MAP2: variants seen among roughly 807,000 people sequenced by gnomAD.
MAP2 encodes microtubule associated protein 2.
A neutral mutation model predicts 137.6 loss-of-function variants in MAP2; 14 were observed. The observed-to-expected ratio is 0.10, with a 90% CI of 0.07 to 0.16. The LOEUF (loss-of-function observed/expected upper bound fraction) is 0.16, where lower values mean the gene tolerates loss of function less well. MAP2 is among the 10% of genes least tolerant of loss of function. MAP2 has a pLI of 1.00. For synonymous variants in MAP2, 786 were observed against 782.3 expected, an observed-to-expected ratio of 1.00 and a Z score of -0.08; for missense variants, 2,088 against 2,191.5, an observed-to-expected ratio of 0.95 and a Z score of 0.94.
chr2:209,438,348 G>A (rs1390397639), intron 1 of MAP2, among the ~76,000 whole-genome samples: 2 of 151,530 alleles, frequency 1.3e-5, no homozygotes, highest in African/African-American at 4.8e-5. Flanking sequence ...TAGGGTTCCT[G>A]TATTATGCAG....
At chr2:209,442,050 T>C (rs771276667) in intron 1 of MAP2, among the ~76,000 whole-genome samples, 10 of 151,602 alleles carry the variant, frequency 6.6e-5, no homozygotes, top group Non-Finnish European at 1.3e-4. Context: ...CCATAAAAGC[T>C]TTTAAATTTG....
At chr2:209,491,263 A>C (rs551654687) in intron 1 of MAP2, among the ~76,000 whole-genome samples, 33 of 152,330 alleles carry the variant, frequency 2.2e-4, no homozygotes, top group African/African-American at 7.7e-4. Context: ...ACAAAGACAC[A>C]ATGTACCAGA....
chr2:209,518,779 C>G (rs1218844246), intron 2 of MAP2, among the ~76,000 whole-genome samples: 1 of 151,756 alleles, frequency 6.6e-6, no homozygotes, highest in African/African-American at 2.4e-5. Context: ...CTGTTTTTGT[C>G]GTAGGTTTTA....
At chr2:209,575,500 A>G (rs755447864) in intron 2 of MAP2, among the ~76,000 whole-genome samples, 8 of 143,754 alleles carry the variant, frequency 5.6e-5, no homozygotes, top group East Asian at 2.0e-4. Flanking sequence ...CAGCCTGGGC[A>G]ACAGTGAGAC....
intron 7 of MAP2, 137 bp from the exon 8 acceptor site, chr2:209,692,488 A>G (rs79431896): frequency 0.011 from 9,741 of 868,562 alleles, 73 homozygotes; most frequent in Non-Finnish European, 0.014. Flanking sequence ...TGACTTTTAC[A>G]TGGGTAGCAT....
At chr2:209,556,394 G>A (rs904534971) in intron 2 of MAP2, among the ~76,000 whole-genome samples, 3 of 151,954 alleles carry the variant, frequency 2.0e-5, no homozygotes, top group South Asian at 2.1e-4. Flanking sequence ...TATTTGCTCC[G>A]TTGCCTTAGA....
chr2:209,491,558 C>G lies in MAP2; in HGVS notation c.-221-16034C>G, dbSNP rs558441620. Among the ~76,000 whole-genome samples the G allele has an allele frequency of 2.6e-5, 4 of 151,298 alleles. No homozygotes were observed. The South Asian group carries it at 8.3e-4, about 32-fold the overall frequency. On this transcript the variant is annotated intron_variant, in intron 1 of 15. Transcript: ENST00000682079. ...AAAATACATAGACCACTAGCCAGAC[C>G]AATAAAGAAGAGAGAAGAATCAAAT... is the stretch of plus-strand genomic sequence containing the variant.
At chr2:209,568,286 G>C (rs1283716803) in intron 2 of MAP2, among the ~76,000 whole-genome samples, 1 of 151,858 alleles carries the variant, frequency 6.6e-6, no homozygotes, top group East Asian at 1.9e-4. Context: ...ATGGATTTCA[G>C]TTATTCACAA....
intron 2 of MAP2, among the ~76,000 whole-genome samples, chr2:209,519,224 T>C (rs1056936608): frequency 1.3e-5 from 2 of 152,116 alleles, no homozygotes; most frequent in Non-Finnish European, 2.9e-5. Context: ...CACTTTTCTA[T>C]ATTGCCAAGT....
chr2:209,704,379 T>C, intron 11 of MAP2: 1 of 1,389,124 alleles, frequency 7.2e-7, no homozygotes, highest in South Asian at 1.4e-5. Flanking sequence ...TGTTTATACT[T>C]CTTTTTTATC....
chr2:209,642,567 T>A (rs1444412790), intron 4 of MAP2, among the ~76,000 whole-genome samples: 1 of 152,212 alleles, frequency 6.6e-6, no homozygotes, highest in East Asian at 1.9e-4. Flanking sequence ...TAATGTTATC[T>A]GTGCCTATGA....
intron 1 of MAP2, among the ~76,000 whole-genome samples, chr2:209,497,263 A>G (rs1024778787): frequency 2.0e-5 from 3 of 152,222 alleles, no homozygotes; most frequent in African/African-American, 4.8e-5. Flanking sequence ...TGGTGGCCTC[A>G]TAAGAAGAGG....
chr2:209,591,132 G>A (rs7568267), intron 3 of MAP2, among the ~76,000 whole-genome samples: 151,037 of 152,314 alleles, frequency 0.99, 74,896 homozygotes, highest in East Asian at 1. Flanking sequence ...GGGTAAGTCT[G>A]TTTTACAAAG....
At chr2:209,517,142 G>A (rs896921461) in intron 2 of MAP2, among the ~76,000 whole-genome samples, 8 of 152,042 alleles carry the variant, frequency 5.3e-5, no homozygotes, top group East Asian at 3.9e-4. Context: ...TCCCTCTTCC[G>A]CCATACCTGG....
intron 1 of MAP2, among the ~76,000 whole-genome samples, chr2:209,452,658 T>C (rs1422570277): frequency 6.6e-6 from 1 of 152,138 alleles, no homozygotes; most frequent in Non-Finnish European, 1.5e-5. Flanking sequence ...TGGATAGCAA[T>C]ATATTTGGTA....
At chr2:209,623,550 G>A (rs997156052) in intron 3 of MAP2, among the ~76,000 whole-genome samples, 3 of 152,068 alleles carry the variant, frequency 2.0e-5, no homozygotes, top group Non-Finnish European at 4.4e-5. Flanking sequence ...CATTTGTTAA[G>A]TACACAAAGA....
chr2:209,530,378 TAAG>T (rs1417070460), intron 2 of MAP2, among the ~76,000 whole-genome samples: 2 of 152,192 alleles, frequency 1.3e-5, no homozygotes, highest in Admixed American at 6.5e-5. Flanking sequence ...TTCTTTTACT[TAAG>T]AAGAAGGAGA....
intron 1 of MAP2, among the ~76,000 whole-genome samples, chr2:209,452,899 C>T (rs1352562842): frequency 1.3e-5 from 2 of 152,116 alleles, no homozygotes; most frequent in African/African-American, 2.4e-5. Context: ...CTCTATAACA[C>T]TATTGATCTT....
intron 4 of MAP2, among the ~76,000 whole-genome samples, chr2:209,638,632 A>G (rs565283933): frequency 7.3e-4 from 111 of 152,294 alleles, no homozygotes; most frequent in Non-Finnish European, 1.3e-3. Flanking sequence ...GTATACTTTA[A>G]AATGCATGTA....
Sources: gnomAD v4.1 joint callset for allele counts (sites outside exome capture counted in the v4.1 genomes callset) on GRCh38, gnomAD v4.1.1 for gene constraint, MANE v1.5 for transcripts, NCBI Gene and HGNC (gene_info 2026-07-23, HGNC 2026-07-21) for gene names.